The following KCNQ5 variants were observed in gnomAD, a reference collection of about 807,000 sequenced individuals.
The protein encoded by KCNQ5 is potassium voltage-gated channel subfamily Q member 5.
Under a neutral mutation model 98.2 loss-of-function variants are expected in KCNQ5, and 30 were observed. That is an observed-to-expected ratio of 0.31 (90% CI 0.23 to 0.41). The LOEUF is 0.41. Among genes scored for constraint, KCNQ5 ranks in the 10% least tolerant of loss-of-function variants. The pLI is 1.00. For synonymous variants in KCNQ5, 458 were observed against 449.4 expected, an observed-to-expected ratio of 1.02 and a Z score of -0.24; for missense variants, 835 against 1,182.5, an observed-to-expected ratio of 0.71 and a Z score of 4.31.
intron 10 of KCNQ5, among the ~76,000 whole-genome samples, chr6:73,153,492 C>G (rs1777233411): frequency 1.3e-5 from 2 of 152,118 alleles, no homozygotes; most frequent in Admixed American, 1.3e-4. Flanking sequence ...ACAGCATAAA[C>G]TATAATCCTT....
chr6:73,084,677 C>T (rs1252603815), intron 5 of KCNQ5, among the ~76,000 whole-genome samples: 2 of 152,164 alleles, frequency 1.3e-5, no homozygotes, highest in African/African-American at 4.8e-5. Context: ...ATGTGATTTC[C>T]TCCAAGCCCC....
chr6:73,085,494 A>C (rs571255367), intron 5 of KCNQ5, among the ~76,000 whole-genome samples: 3 of 152,110 alleles, frequency 2.0e-5, no homozygotes, highest in Non-Finnish European at 4.4e-5. Context: ...ATCAGAGGGG[A>C]GAAAGTTATT....
intron 1 of KCNQ5, among the ~76,000 whole-genome samples, chr6:72,972,897 C>A (rs943515723): frequency 2.0e-5 from 3 of 152,182 alleles, no homozygotes; most frequent in Admixed American, 2.0e-4. Flanking sequence ...ATGTATTAGA[C>A]TTCATTTTAC....
chr6:73,092,701 G>A (rs916088423), intron 5 of KCNQ5, among the ~76,000 whole-genome samples: 1 of 152,056 alleles, frequency 6.6e-6, no homozygotes, highest in Non-Finnish European at 1.5e-5. Flanking sequence ...CTGTTTATGT[G>A]GTGTATCACA....
At chr6:72,733,677 C>T (rs1268402497) in intron 1 of KCNQ5, among the ~76,000 whole-genome samples, 1 of 152,272 alleles carries the variant, frequency 6.6e-6, no homozygotes, top group East Asian at 1.9e-4. Flanking sequence ...TAACCTTGAA[C>T]CTCCAGTGTA....
chr6:73,086,301 G>C (rs1773986099), intron 5 of KCNQ5, among the ~76,000 whole-genome samples: 1 of 151,974 alleles, frequency 6.6e-6, no homozygotes, highest in Admixed American at 6.6e-5. Flanking sequence ...TAATTGAAAG[G>C]ACAGACATAA....
intron 3 of KCNQ5, among the ~76,000 whole-genome samples, chr6:73,058,744 A>T (rs1772640936): frequency 6.6e-6 from 1 of 152,224 alleles, no homozygotes; most frequent in Non-Finnish European, 1.5e-5. Flanking sequence ...CCATTAAAAA[A>T]TGGGCAAAGT....
intron 8 of KCNQ5, among the ~76,000 whole-genome samples, chr6:73,122,519 A>G (rs1261194487): frequency 6.6e-6 from 1 of 152,102 alleles, no homozygotes; most frequent in Non-Finnish European, 1.5e-5. Context: ...CCTTTCCCTC[A>G]CTTTCCTTTT....
At chr6:73,155,440 G>A (rs866288048) in intron 10 of KCNQ5, among the ~76,000 whole-genome samples, 5 of 152,230 alleles carry the variant, frequency 3.3e-5, no homozygotes, top group African/African-American at 4.8e-5. Flanking sequence ...GTGTGTAGAC[G>A]ATACCCCTTG....
intron 1 of KCNQ5, among the ~76,000 whole-genome samples, chr6:72,845,369 G>A (rs930593758): frequency 6.6e-6 from 1 of 152,144 alleles, no homozygotes; most frequent in African/African-American, 2.4e-5. Flanking sequence ...AACAGTAGAA[G>A]AGATCTTTTT....
At chr6:72,858,771 G>T (rs1777634316) in intron 1 of KCNQ5, among the ~76,000 whole-genome samples, 1 of 151,866 alleles carries the variant, frequency 6.6e-6, no homozygotes, top group African/African-American at 2.4e-5. Flanking sequence ...TTGTGGTGGT[G>T]GTTATAAATC....
rs186500911 is a variant in KCNQ5 at position 72,850,854 on chromosome 6, T to C, written c.399-153054T>C. On this transcript the variant is annotated intron_variant, in intron 1 of 13. Coordinates refer to ENST00000370398, the MANE Select transcript of KCNQ5 (RefSeq NM_019842.4). ...TTATATTTTACATGGGCTAAATATC[T>C]CCTAATCTCTCATTTCTTTTGAATG... Among the ~76,000 whole-genome samples, 82 of 152,310 alleles carry C rather than the reference T, an allele frequency of 5.4e-4. 1 individual carries two copies. Among genetic ancestry groups the C allele is most frequent in the African/African-American group, 1.9e-3 (79 of 41,576 alleles).
At chr6:73,092,699 G>A (rs2150406611) in intron 5 of KCNQ5, among the ~76,000 whole-genome samples, 1 of 152,228 alleles carries the variant, frequency 6.6e-6, no homozygotes, top group South Asian at 2.1e-4. Flanking sequence ...TTCTGTTTAT[G>A]TGGTGTATCA....
At chr6:73,084,884 G>T (rs1351725336) in intron 5 of KCNQ5, among the ~76,000 whole-genome samples, 2 of 152,254 alleles carry the variant, frequency 1.3e-5, no homozygotes, top group African/African-American at 4.8e-5. Context: ...AAGGCAGAAA[G>T]AGGTTTATTA....
chr6:72,781,001 T>G (rs1035093969), intron 1 of KCNQ5, among the ~76,000 whole-genome samples: 1 of 152,214 alleles, frequency 6.6e-6, no homozygotes, highest in Non-Finnish European at 1.5e-5. Context: ...ATAAATCTTC[T>G]GACACTAATA....
chr6:73,104,137 C>G (rs1774909620), intron 5 of KCNQ5, among the ~76,000 whole-genome samples: 1 of 151,830 alleles, frequency 6.6e-6, no homozygotes, highest in African/African-American at 2.4e-5. Flanking sequence ...TAAAAGGCAT[C>G]CAAATAAGAA....
chr6:72,641,245 G>C (rs1316448405), intron 1 of KCNQ5, among the ~76,000 whole-genome samples: 1 of 152,142 alleles, frequency 6.6e-6, no homozygotes, highest in South Asian at 2.1e-4. Flanking sequence ...AATCAAGCAA[G>C]TGGGAGTGGG....
At chr6:72,933,845 G>A (rs951520494) in intron 1 of KCNQ5, among the ~76,000 whole-genome samples, 1 of 152,056 alleles carries the variant, frequency 6.6e-6, no homozygotes, top group Non-Finnish European at 1.5e-5. Context: ...TCATTACTAT[G>A]AGCCGATAAT....
chr6:72,870,864 A>G (rs971744845), intron 1 of KCNQ5, among the ~76,000 whole-genome samples: 2 of 152,220 alleles, frequency 1.3e-5, no homozygotes, highest in African/African-American at 4.8e-5. Flanking sequence ...TATGTGGTAC[A>G]TAGGCTTTTA....
Sources: allele counts gnomAD v4.1 joint callset (sites outside exome capture counted in the v4.1 genomes callset), GRCh38; gene constraint gnomAD v4.1.1; transcripts MANE v1.5; gene names NCBI Gene and HGNC (gene_info 2026-07-23, HGNC 2026-07-21).